Variants in NPAS3 observed in about 807,000 individuals in gnomAD.
NPAS3 encodes the protein neuronal PAS domain protein 3, also known as neuronal PAS domain-containing protein 3.
In NPAS3, 14 loss-of-function variants were observed where a neutral mutation model predicts 73.1. The ratio of observed to expected loss-of-function variants is 0.19; its 90% CI spans 0.13 to 0.30. The LOEUF is 0.30. Ranked by LOEUF, NPAS3 falls within the 10% of genes least tolerant of loss-of-function variation. The pLI is 1.00. For synonymous variants in NPAS3, 620 were observed against 541.5 expected (o/e 1.14, Z -2.01); for missense variants, 1,096 against 1,250.0 (o/e 0.88, Z 1.86).
intron 4 of NPAS3, among the ~76,000 whole-genome samples, chr14:33,544,456 G>A (rs1000512936): frequency 6.6e-6 from 1 of 152,000 alleles, no homozygotes; most frequent in Non-Finnish European, 1.5e-5. Flanking sequence ...AGATTTTAGG[G>A]ATAAGGTCTT....
At chr14:33,567,255 TC>T (rs1399864604) in intron 5 of NPAS3, among the ~76,000 whole-genome samples, 1 of 152,240 alleles carries the variant, frequency 6.6e-6, no homozygotes, top group East Asian at 1.9e-4. Context: ...CCTCCTTCTT[TC>T]ATCCACAACA....
At chr14:33,018,369 C>A (rs539915504) in intron 1 of NPAS3, among the ~76,000 whole-genome samples, 3 of 152,246 alleles carry the variant, frequency 2.0e-5, no homozygotes, top group African/African-American at 7.2e-5. Flanking sequence ...CCTTCAGAAC[C>A]ATTTAAAGTG....
At chr14:33,557,224 G>A (rs547278977) in intron 4 of NPAS3, among the ~76,000 whole-genome samples, 1 of 152,298 alleles carries the variant, frequency 6.6e-6, no homozygotes, top group South Asian at 2.1e-4. Context: ...AGACTGCAGA[G>A]GGTTTGGCAG....
intron 4 of NPAS3, among the ~76,000 whole-genome samples, chr14:33,465,209 CA>C (rs2050451957): frequency 6.6e-6 from 1 of 152,028 alleles, no homozygotes. Flanking sequence ...ACTTTGCACG[CA>C]ATAGATGCTC....
intron 5 of NPAS3, among the ~76,000 whole-genome samples, chr14:33,606,503 T>C (rs1490069330): frequency 6.6e-6 from 1 of 152,208 alleles, no homozygotes; most frequent in Non-Finnish European, 1.5e-5. Context: ...AAAATAGTCT[T>C]TTCAACAAGT....
chr14:33,276,498 A>G (rs2041340901), intron 3 of NPAS3, among the ~76,000 whole-genome samples: 3 of 152,130 alleles, frequency 2.0e-5, no homozygotes, highest in Admixed American at 6.5e-5. Flanking sequence ...GTTTTAATGA[A>G]GTAATTTTTT....
intron 4 of NPAS3, among the ~76,000 whole-genome samples, chr14:33,547,488 G>C (rs2054902601): frequency 6.6e-6 from 1 of 152,088 alleles, no homozygotes; most frequent in Admixed American, 6.6e-5. Context: ...TTCAGAGTTG[G>C]TTCACTGCCC....
chr14:33,352,166 C>A (rs768530012), intron 3 of NPAS3, among the ~76,000 whole-genome samples: 1 of 152,160 alleles, frequency 6.6e-6, no homozygotes, highest in Non-Finnish European at 1.5e-5. Flanking sequence ...TTGTCTTAGG[C>A]ACTTCATGTA....
At chr14:33,404,076 C>T (rs1407007106) in intron 4 of NPAS3, among the ~76,000 whole-genome samples, 1 of 152,008 alleles carries the variant, frequency 6.6e-6, no homozygotes, top group East Asian at 1.9e-4. Flanking sequence ...GGAATGGAGA[C>T]CAAGGGAAAT....
At chr14:33,640,848 A>G (rs59579755) in intron 5 of NPAS3, among the ~76,000 whole-genome samples, 2,139 of 152,356 alleles carry the variant, frequency 0.014, 53 homozygotes, top group African/African-American at 0.047. Context: ...TGTAGATGTA[A>G]AATAGTATTT....
At chr14:33,133,598 T>C (rs2043722472) in intron 2 of NPAS3, among the ~76,000 whole-genome samples, 1 of 152,194 alleles carries the variant, frequency 6.6e-6, no homozygotes, top group Non-Finnish European at 1.5e-5. Flanking sequence ...TAAAATAACA[T>C]TATGACTGCA....
intron 3 of NPAS3, among the ~76,000 whole-genome samples, chr14:33,232,218 A>T (rs1274200794): frequency 6.6e-6 from 1 of 152,152 alleles, no homozygotes; most frequent in African/African-American, 2.4e-5. Context: ...TCCAGTCCAT[A>T]AACTTCTCTC....
chr14:33,199,281 C>T (rs1008748881), intron 2 of NPAS3, among the ~76,000 whole-genome samples: 3 of 152,220 alleles, frequency 2.0e-5, no homozygotes, highest in Non-Finnish European at 2.9e-5. Flanking sequence ...GCCTCCAGCA[C>T]GTTGTCACCT....
chr14:33,059,458 G>T (rs1469924024), intron 2 of NPAS3, among the ~76,000 whole-genome samples: 1 of 152,110 alleles, frequency 6.6e-6, no homozygotes, highest in Non-Finnish European at 1.5e-5. Flanking sequence ...GGTAAGATCA[G>T]GTTCTTTGGT....
At chr14:33,792,577 C>G (rs1336528021) in intron 9 of NPAS3, among the ~76,000 whole-genome samples, 1 of 106,922 alleles carries the variant, frequency 9.4e-6, no homozygotes, top group African/African-American at 4.0e-5. Flanking sequence ...CATCCACCCC[C>G]CTCCAAAAAA....
chr14:33,049,869 A>G (rs556140997), intron 1 of NPAS3, among the ~76,000 whole-genome samples: 14 of 152,302 alleles, frequency 9.2e-5, no homozygotes, highest in African/African-American at 3.4e-4. Flanking sequence ...GGACCCATCT[A>G]ATTACTTCCC....
intron 8 of NPAS3, among the ~76,000 whole-genome samples, 197 bp from the exon 9 acceptor site, chr14:33,778,269 G>T (rs1017242439): frequency 1.3e-5 from 2 of 152,096 alleles, no homozygotes; most frequent in African/African-American, 4.8e-5. Context: ...TTGATCTAAC[G>T]CATTTCCTAC....
intron 2 of NPAS3, among the ~76,000 whole-genome samples, chr14:33,132,201 T>C (rs779206446): frequency 2.5e-4 from 38 of 152,022 alleles, no homozygotes; most frequent in Non-Finnish European, 4.6e-4. Context: ...GAAGTGGAGA[T>C]GAAAGGAGGT....
intron 4 of NPAS3, among the ~76,000 whole-genome samples, chr14:33,530,522 T>C (rs1417130060): frequency 6.6e-6 from 1 of 152,148 alleles, no homozygotes; most frequent in Non-Finnish European, 1.5e-5. Flanking sequence ...TTGGGCATTT[T>C]TGTATTTCAA....
Sources: allele counts gnomAD v4.1 joint callset (sites outside exome capture counted in the v4.1 genomes callset), GRCh38; gene constraint gnomAD v4.1.1; transcripts MANE v1.5; gene names NCBI Gene and HGNC (gene_info 2026-07-23, HGNC 2026-07-21).